Variants in ARMC9 observed in about 807,000 individuals in gnomAD.
ARMC9 encodes armadillo repeat containing 9, also known as lisH domain-containing protein ARMC9.
Under a neutral mutation model 107.0 loss-of-function variants are expected in ARMC9, and 94 were observed. The observed-to-expected ratio is 0.88, with a 90% CI of 0.74 to 1.04. The LOEUF (loss-of-function observed/expected upper bound fraction) is 1.04, where lower values mean the gene tolerates loss of function less well. ARMC9 is among the 50% of genes least tolerant of loss of function. The pLI is 0.00. For synonymous variants in ARMC9, 380 were observed against 396.9 expected (o/e 0.96, Z 0.51); for missense variants, 942 against 1,030.1 (o/e 0.91, Z 1.17).
At chr2:231,273,367 A>G (rs1275860973) in intron 14 of ARMC9, among the ~76,000 whole-genome samples, 1 of 152,206 alleles carries the variant, frequency 6.6e-6, no homozygotes, top group African/African-American at 2.4e-5. Context: ...GCTTAGAGAC[A>G]GACACATGAA....
chr2:231,270,601 T>C (rs1036576339), intron 12 of ARMC9: 1 of 476,948 alleles, frequency 2.1e-6, no homozygotes, highest in African/African-American at 2.0e-5. Flanking sequence ...AATTATCTTT[T>C]TTAACAGTCC....
In ARMC9 at chr2:231,272,962, C is replaced by G; in HGVS notation, c.1218C>G (p.Leu406=). 2 of 1,613,688 alleles carry G rather than the reference C, an allele frequency of 1.2e-6. No individual in the cohort carries two copies. Among genetic ancestry groups the G allele is most frequent in the South Asian group, 1.1e-5 (1 of 91,026 alleles). ...NAFASLAEGR[L]YLAQNTKVLQ... is the part of the protein sequence containing the mutation. Reference sequence around the variant, plus strand: ...TCTCTGGTGTATTATCAGGTCGCCTCTACCTTGCCCAGAACACAAAGGTGC... The same window carrying G: ...TCTCTGGTGTATTATCAGGTCGCCTGTACCTTGCCCAGAACACAAAGGTGC... The change falls in exon 14 of 25, where the codon CTC becomes CTG. Residue 406 remains leucine (L), a synonymous_variant. Transcript: ENST00000611582.
At chr2:231,317,532 T>G (rs1439970342) in intron 19 of ARMC9, among the ~76,000 whole-genome samples, 1 of 151,894 alleles carries the variant, frequency 6.6e-6, no homozygotes, top group Non-Finnish European at 1.5e-5. Flanking sequence ...TTGGGGTTTT[T>G]TTTTTTTTAA....
rs936118490 is a variant in ARMC9 at position 231,371,561 on chromosome 2, G to A, written c.*26G>A. 8.9e-6 allele frequency: 11 copies of A among 1,232,916 alleles called. No individual in the cohort carries two copies. In the African/African-American group the frequency reaches 9.7e-5, roughly 11 times the overall value. The allele number at this position is 1,232,916 out of a possible 1,614,324, so 76.4% of individuals were successfully genotyped here. On this transcript the variant is annotated 3_prime_UTR_variant, in exon 25 of 25. Coordinates refer to ENST00000611582, the MANE Select transcript of ARMC9 (RefSeq NM_001352754.2). ...GGATGTCCCCGGGTGTCCCCATCAC[G>A]TTGCCGGAGGACCAGCCAGCTTCCC...
rs1488863142 is a variant in ARMC9 at position 231,360,868 on chromosome 2, A to G, written c.2246A>G (p.Asn749Ser). ...AGGGAGGCGCCCCAGGACCCAGGCA[A>G]TGGAGTGACCACCAGGTAAGGGGGA... ...QPREAPQDPG[N>S]GVTTRECASA... Residue 749 changes from asparagine (N) to serine (S), a missense_variant, in exon 23 of 25, where the codon AAT becomes AGT. Physicochemically the swap from Asn to Ser is conservative, Grantham distance 46. Coordinates refer to ENST00000611582, the MANE Select transcript of ARMC9 (RefSeq NM_001352754.2). This position sits in a 1 kb window ranked among gnomAD's most constrained non-coding sequence, Gnocchi z 4.7. 3 of 1,533,298 alleles carry G rather than the reference A, an allele frequency of 2.0e-6. No homozygotes were observed. Among genetic ancestry groups the G allele is most frequent in the South Asian group, 1.2e-5 (1 of 83,782 alleles). The allele number at this position is 1,533,298 out of a possible 1,614,324, so 95.0% of individuals were successfully genotyped here.
intron 7 of ARMC9, 89 bp downstream of exon 7, chr2:231,226,887 C>A (rs1039635265): frequency 2.0e-6 from 3 of 1,464,078 alleles, no homozygotes; most frequent in African/African-American, 2.8e-5. Flanking sequence ...GGAGAGAATT[C>A]ATGATTTTGG....
At chr2:231,339,332 A>G (rs2044348955) in intron 20 of ARMC9, among the ~76,000 whole-genome samples, 1 of 138,786 alleles carries the variant, frequency 7.2e-6, no homozygotes, top group Non-Finnish European at 1.5e-5. Flanking sequence ...CTGTCTTGTG[A>G]AAAAAAAAAA....
rs962040279 is a variant in ARMC9 at position 231,358,898 on chromosome 2, C to T, written c.2132-1856C>T. ...AAGCTATTCTCATTTCCCCACCAACCAGGACTATCTTCAATATCAAAATCA... is the reference window on the plus strand; with the variant it reads ...AAGCTATTCTCATTTCCCCACCAACTAGGACTATCTTCAATATCAAAATCA... On this transcript the variant is annotated intron_variant, in intron 22 of 24. Transcript: ENST00000611582. This position sits in a 1 kb window ranked among gnomAD's most constrained non-coding sequence, Gnocchi z 4.5. Among the ~76,000 whole-genome samples the T allele has an allele frequency of 2.6e-5, 4 of 152,176 alleles. No homozygotes were observed. The highest frequency in any genetic ancestry group is 6.5e-5 in the Admixed American group (1 of 15,282).
intron 17 of ARMC9, among the ~76,000 whole-genome samples, chr2:231,287,791 G>A (rs1175855769): frequency 6.6e-6 from 1 of 152,024 alleles, no homozygotes; most frequent in East Asian, 1.9e-4. Context: ...TCATATTCTT[G>A]GCCCCATAAT....
At chr2:231,311,157 CAG>C (rs1363538490) in intron 19 of ARMC9, among the ~76,000 whole-genome samples, 1 of 152,098 alleles carries the variant, frequency 6.6e-6, no homozygotes, top group Admixed American at 6.5e-5. Context: ...TAGAAAAAGA[CAG>C]AAGCATAGTG....
intron 19 of ARMC9, among the ~76,000 whole-genome samples, chr2:231,302,482 G>T (rs1452626119): frequency 1.1e-5 from 1 of 94,558 alleles, no homozygotes. Context: ...TTTAATGTCT[G>T]GATCAGAAAA....
chr2:231,235,014 GA>G (rs2035581216), intron 7 of ARMC9, among the ~76,000 whole-genome samples: 1 of 152,232 alleles, frequency 6.6e-6, no homozygotes. Context: ...TGAACTTCCT[GA>G]AAAGGAAATT....
chr2:231,254,670 G>GA (rs2037601610), intron 9 of ARMC9, among the ~76,000 whole-genome samples: 1 of 144,342 alleles, frequency 6.9e-6, no homozygotes, highest in South Asian at 2.2e-4. Context: ...AAAAAAAATT[G>GA]AAAAAAATTG....
intron 7 of ARMC9, among the ~76,000 whole-genome samples, chr2:231,227,094 T>C (rs943913166): frequency 1.3e-5 from 2 of 152,180 alleles, no homozygotes; most frequent in African/African-American, 4.8e-5. Context: ...CTAGAAGGTG[T>C]AGGGCAGCAT....
chr2:231,336,773 C>T (rs376827283), intron 20 of ARMC9, among the ~76,000 whole-genome samples: 7 of 152,194 alleles, frequency 4.6e-5, no homozygotes, highest in African/African-American at 1.4e-4. Context: ...CAGGAGTGTG[C>T]GTTTTTATTT....
chr2:231,371,439 G>A, intron 24 of ARMC9, 74 bp from the exon 25 acceptor site: 2 of 1,332,950 alleles, frequency 1.5e-6, no homozygotes. Context: ...CTGAAAGAGG[G>A]ACTGAGTGGG....
At chr2:231,292,959 A>C (rs75647062) in intron 18 of ARMC9, among the ~76,000 whole-genome samples, 3,014 of 152,266 alleles carry the variant, frequency 0.02, 43 homozygotes, top group Non-Finnish European at 0.035. Context: ...GGGGATTTCA[A>C]GCTCCCAGTT....
intron 20 of ARMC9, among the ~76,000 whole-genome samples, chr2:231,337,469 GTTTTTTTTT>G (rs1172469791): frequency 0.012 from 1,233 of 99,024 alleles, 38 homozygotes; most frequent in African/African-American, 0.017. Flanking sequence ...GCTAATTTTT[GTTTTTTTTT>G]TTTTTTTTTG....
chr2:231,355,011 G>T (rs1036757617), intron 21 of ARMC9, among the ~76,000 whole-genome samples: 1 of 152,214 alleles, frequency 6.6e-6, no homozygotes, highest in Non-Finnish European at 1.5e-5. Flanking sequence ...CAAAGGAGCT[G>T]TTCTGCACAC....
Sources: allele counts gnomAD v4.1 joint callset (sites outside exome capture counted in the v4.1 genomes callset), GRCh38; gene constraint gnomAD v4.1.1; non-coding constraint Gnocchi (gnomAD v3.1); transcripts MANE v1.5; gene names NCBI Gene and HGNC (gene_info 2026-07-23, HGNC 2026-07-21).